RASAL2: variants seen among roughly 807,000 people sequenced by gnomAD.
RASAL2 encodes ras GTPase-activating protein nGAP.
Under a neutral mutation model 128.9 loss-of-function variants are expected in RASAL2, and 58 were observed. That is an observed-to-expected ratio of 0.45 (90% CI 0.36 to 0.56). The LOEUF (loss-of-function observed/expected upper bound fraction) is 0.56. Among genes scored for constraint, RASAL2 ranks in the 20% least tolerant of loss-of-function variants. RASAL2 has a pLI of 0.00. For synonymous variants in RASAL2, 561 were observed against 580.8 expected, an observed-to-expected ratio of 0.97 and a Z score of 0.49; for missense variants, 1,360 against 1,601.6, an observed-to-expected ratio of 0.85 and a Z score of 2.57.
intron 3 of RASAL2, among the ~76,000 whole-genome samples, chr1:178,310,752 A>G (rs1571832664): frequency 6.6e-6 from 1 of 152,116 alleles, no homozygotes; most frequent in Non-Finnish European, 1.5e-5. Flanking sequence ...GCTGCCACTT[A>G]TGGTTGCTCA....
At position 178,130,668 on chromosome 1, in the gene RASAL2, A is replaced by G. The variant is rs554468051; in HGVS notation, c.202+35974A>G. Among the ~76,000 whole-genome samples, 3 of 152,260 alleles carry G rather than the reference A, an allele frequency of 2.0e-5. No homozygotes were observed. In the South Asian group the frequency reaches 6.2e-4, roughly 32 times the overall value. ...CTTTAGGGGGAAACAAAATAAACAA[A>G]CCTCTAGACTAAAGATTTGTTTTTT... On this transcript the variant is annotated intron_variant, in intron 1 of 17. Transcript: ENST00000367649.
At chr1:178,260,150 A>G (rs561955004) in intron 1 of RASAL2, among the ~76,000 whole-genome samples, 2 of 150,480 alleles carry the variant, frequency 1.3e-5, no homozygotes, top group South Asian at 4.2e-4. Context: ...TAGGAGTTCA[A>G]GACCAGCCTG....
At position 178,287,628 on chromosome 1, in the gene RASAL2, T is replaced by C. The variant is rs533853395; in HGVS notation, c.330+3937T>C. Among the ~76,000 whole-genome samples, 5 of 152,156 alleles carry C rather than the reference T, an allele frequency of 3.3e-5. No homozygotes were observed. In the South Asian group the frequency reaches 8.3e-4, roughly 25 times the overall value. On this transcript the variant is annotated intron_variant, in intron 2 of 17. Transcript: ENST00000367649. ...AATCAAGGGGTGGATAAAGAAAATA[T>C]GGTGTATGTATATACTGTGGAATAC...
chr1:178,287,319 CA>C (rs1667074798), intron 2 of RASAL2, among the ~76,000 whole-genome samples: 1 of 151,914 alleles, frequency 6.6e-6, no homozygotes, highest in South Asian at 2.1e-4. Flanking sequence ...AACATTTTCC[CA>C]CTTCAGTTAC....
intron 5 of RASAL2, among the ~76,000 whole-genome samples, chr1:178,434,151 T>C (rs1209397977): frequency 6.6e-6 from 1 of 152,120 alleles, no homozygotes; most frequent in Non-Finnish European, 1.5e-5. Flanking sequence ...GTTGTGTTTA[T>C]ATTGAATTTG....
intron 3 of RASAL2, among the ~76,000 whole-genome samples, chr1:178,361,903 G>C (rs1671128231): frequency 6.6e-6 from 1 of 151,854 alleles, no homozygotes. Flanking sequence ...AGATCATCAG[G>C]CATTAGATTC....
rs144175956 is a variant in RASAL2, at chr1:178,267,381, T to G, written c.203-16183T>G. On this transcript the variant is annotated intron_variant, in intron 1 of 17. Coordinates refer to ENST00000367649, the MANE Select transcript of RASAL2 (RefSeq NM_170692.4). ...ACCATTCCAACTTCCTCACTATAGT[T>G]TTTGGTGATTGGTTGGTTTGTTTTT... 2.2e-3 allele frequency among the ~76,000 whole-genome samples: 330 copies of G among 152,230 alleles called. 1 individual carries two copies. The highest frequency in any genetic ancestry group is 7.6e-3 in the African/African-American group (316 of 41,556).
At chr1:178,251,965 GA>G (rs1665074160) in intron 1 of RASAL2, among the ~76,000 whole-genome samples, 1 of 152,124 alleles carries the variant, frequency 6.6e-6, no homozygotes, top group African/African-American at 2.4e-5. Flanking sequence ...GGTCAGATCA[GA>G]AAAGATATAC....
intron 1 of RASAL2, among the ~76,000 whole-genome samples, chr1:178,201,651 A>G (rs940351075): frequency 6.6e-6 from 1 of 152,230 alleles, no homozygotes; most frequent in Admixed American, 6.5e-5. Context: ...AAGCAAGGTA[A>G]ACATAGCTAC....
At chr1:178,256,942 A>C (rs756457655) in intron 1 of RASAL2, among the ~76,000 whole-genome samples, 5 of 152,224 alleles carry the variant, frequency 3.3e-5, no homozygotes, top group Non-Finnish European at 5.9e-5. Context: ...CCAAAGTGCT[A>C]GGATTACAGG....
intron 4 of RASAL2, among the ~76,000 whole-genome samples, chr1:178,397,498 A>G (rs1673312742): frequency 6.6e-6 from 1 of 152,204 alleles, no homozygotes; most frequent in African/African-American, 2.4e-5. Context: ...GTGACTGCTA[A>G]TGGGCATGGG....
chr1:178,350,409 G>GT (rs1328317907), intron 3 of RASAL2, among the ~76,000 whole-genome samples: 12 of 151,996 alleles, frequency 7.9e-5, no homozygotes, highest in Non-Finnish European at 1.5e-5. Context: ...GTTTTGTTTT[G>GT]TTTTTGTAGA....
intron 1 of RASAL2, among the ~76,000 whole-genome samples, chr1:178,231,051 C>T (rs561510806): frequency 6.6e-5 from 10 of 152,272 alleles, no homozygotes; most frequent in African/African-American, 1.9e-4. Context: ...TGAGCCCATT[C>T]ACCCAGTTCC....
chr1:178,387,176 G>C (rs1425675572), intron 3 of RASAL2, among the ~76,000 whole-genome samples: 1 of 152,148 alleles, frequency 6.6e-6, no homozygotes, highest in Non-Finnish European at 1.5e-5. Flanking sequence ...TGGGGGTTGA[G>C]AAAGCAACAA....
At chr1:178,418,426 T>C (rs955535974) in intron 4 of RASAL2, among the ~76,000 whole-genome samples, 1 of 152,184 alleles carries the variant, frequency 6.6e-6, no homozygotes, top group African/African-American at 2.4e-5. Flanking sequence ...TGAGCCTTTT[T>C]CCCTTGCCTT....
intron 1 of RASAL2, among the ~76,000 whole-genome samples, chr1:178,273,887 C>CT: frequency 6.6e-6 from 1 of 152,320 alleles, no homozygotes; most frequent in East Asian, 1.9e-4. Flanking sequence ...AGGTTTTTCA[C>CT]TGCTGATATG....
chr1:178,412,693 C>T (rs571473547), intron 4 of RASAL2, among the ~76,000 whole-genome samples: 1 of 152,110 alleles, frequency 6.6e-6, no homozygotes, highest in Non-Finnish European at 1.5e-5. Context: ...GCCATCCCCT[C>T]GAAAGTTTAA....
chr1:178,285,162 G>A (rs941273897), intron 2 of RASAL2, among the ~76,000 whole-genome samples: 2 of 130,484 alleles, frequency 1.5e-5, no homozygotes, highest in East Asian at 2.4e-4. Flanking sequence ...CACCCAGGCC[G>A]GACTGTGGAC....
intron 1 of RASAL2, among the ~76,000 whole-genome samples, chr1:178,100,361 C>A (rs1378381803): frequency 7.0e-5 from 10 of 143,028 alleles, no homozygotes; most frequent in Non-Finnish European, 6.1e-5. Context: ...ACTATAAATA[C>A]AAAAAAAAAA....
Sources: gnomAD v4.1 joint callset for allele counts (sites outside exome capture counted in the v4.1 genomes callset) on GRCh38, gnomAD v4.1.1 for gene constraint, MANE v1.5 for transcripts, NCBI Gene and HGNC (gene_info 2026-07-23, HGNC 2026-07-21) for gene names.